Variants in KCNIP4 observed in about 807,000 individuals in gnomAD.
KCNIP4 encodes the protein potassium voltage-gated channel interacting protein 4.
KCNIP4 carries 12 observed loss-of-function variants against 34.0 expected under a neutral mutation model. The ratio of observed to expected loss-of-function variants is 0.35; its 90% CI spans 0.23 to 0.57. The LOEUF (loss-of-function observed/expected upper bound fraction) is 0.57. KCNIP4 is among the 20% of genes least tolerant of loss of function. KCNIP4 has a pLI of 0.83. For missense variants in KCNIP4, 238 were observed against 311.7 expected (o/e 0.76, Z 1.78); for synonymous variants, 124 against 102.2 (o/e 1.21, Z -1.29).
intron 1 of KCNIP4, among the ~76,000 whole-genome samples, chr4:21,689,332 A>G (rs761291834): frequency 2.6e-5 from 4 of 152,232 alleles, no homozygotes; most frequent in Non-Finnish European, 5.9e-5. Context: ...AACATCCTAT[A>G]GATAACAGAT....
At chr4:21,075,023 TC>T (rs1225726560) in intron 1 of KCNIP4, among the ~76,000 whole-genome samples, 2 of 152,020 alleles carry the variant, frequency 1.3e-5, no homozygotes, top group African/African-American at 4.8e-5. Flanking sequence ...CAATTTCTGT[TC>T]TTTTACATTT....
At chr4:20,811,084 T>G (rs1715692660) in intron 3 of KCNIP4, among the ~76,000 whole-genome samples, 1 of 152,202 alleles carries the variant, frequency 6.6e-6, no homozygotes, top group South Asian at 2.1e-4. Context: ...GAGGCAGAAT[T>G]GTTCTTCAGT....
chr4:21,734,083 C>T (rs558237116), intron 1 of KCNIP4, among the ~76,000 whole-genome samples: 12 of 152,280 alleles, frequency 7.9e-5, no homozygotes, highest in African/African-American at 2.9e-4. Context: ...CTTTTATGTA[C>T]ATTCTCCAAA....
chr4:21,332,167 C>T (rs565508135), intron 1 of KCNIP4, among the ~76,000 whole-genome samples: 12 of 152,094 alleles, frequency 7.9e-5, no homozygotes, highest in Admixed American at 3.3e-4. Flanking sequence ...TTGATTGCCC[C>T]GTCCTCTAGA....
chr4:21,525,386 A>G (rs1029728754), intron 1 of KCNIP4, among the ~76,000 whole-genome samples: 4 of 152,112 alleles, frequency 2.6e-5, no homozygotes, highest in Admixed American at 1.3e-4. Flanking sequence ...CAGTACTGAA[A>G]AGTAAAATAA....
intron 1 of KCNIP4, among the ~76,000 whole-genome samples, chr4:21,135,166 C>T (rs567915533): frequency 6.6e-6 from 1 of 152,306 alleles, no homozygotes; most frequent in South Asian, 2.1e-4. Flanking sequence ...ACCAGACTGC[C>T]TCTTATAAAG....
chr4:21,585,210 A>G (rs1041247759), intron 1 of KCNIP4, among the ~76,000 whole-genome samples: 1 of 151,994 alleles, frequency 6.6e-6, no homozygotes, highest in Admixed American at 6.6e-5. Context: ...TGTTGTTCTC[A>G]TCTCCATCCT....
chr4:21,503,543 A>G (rs762647329), intron 1 of KCNIP4, among the ~76,000 whole-genome samples: 17 of 152,228 alleles, frequency 1.1e-4, no homozygotes, highest in Non-Finnish European at 2.1e-4. Flanking sequence ...TATTTGTCAA[A>G]CTAGACACTT....
intron 1 of KCNIP4, among the ~76,000 whole-genome samples, chr4:21,376,001 G>A (rs994415810): frequency 1.6e-4 from 25 of 152,208 alleles, no homozygotes; most frequent in African/African-American, 5.8e-4. Flanking sequence ...AAGGTGGATA[G>A]AGAGTTTCTC....
intron 1 of KCNIP4, among the ~76,000 whole-genome samples, chr4:21,275,095 C>A (rs1357326067): frequency 1.3e-5 from 2 of 152,138 alleles, no homozygotes; most frequent in East Asian, 1.9e-4. Context: ...TTGATAGGAA[C>A]CATCATTGGT....
intron 1 of KCNIP4, among the ~76,000 whole-genome samples, chr4:21,720,103 C>T (rs1482627474): frequency 6.6e-6 from 1 of 151,432 alleles, no homozygotes; most frequent in Non-Finnish European, 1.5e-5. Context: ...TATTTAATAC[C>T]TTTTCTATAT....
intron 1 of KCNIP4, among the ~76,000 whole-genome samples, chr4:21,211,138 T>A (rs1172251026): frequency 6.6e-6 from 1 of 152,234 alleles, no homozygotes; most frequent in Non-Finnish European, 1.5e-5. Context: ...AATGTCATTC[T>A]TACTTTTTTC....
At chr4:21,175,267 G>A (rs1437151898) in intron 1 of KCNIP4, among the ~76,000 whole-genome samples, 1 of 152,130 alleles carries the variant, frequency 6.6e-6, no homozygotes, top group East Asian at 1.9e-4. Flanking sequence ...CTTTGGGAGG[G>A]TAGAGGATCC....
chr4:21,667,308 C>G lies in KCNIP4; in HGVS notation c.61+281263G>C, dbSNP rs183730938. 2.0e-5 allele frequency among the ~76,000 whole-genome samples: 3 copies of G among 152,342 alleles called. No homozygotes were observed. In the East Asian group the frequency reaches 5.8e-4, roughly 29 times the overall value. Reference sequence around the variant, plus strand: ...GATATTTGAGCAGTCCCAACCACCTCTATTCTTGATTTCACATGTCCGTTA... The same window carrying G: ...GATATTTGAGCAGTCCCAACCACCTGTATTCTTGATTTCACATGTCCGTTA... On this transcript the variant is annotated intron_variant, in intron 1 of 8. Transcript: ENST00000382152.
intron 1 of KCNIP4, among the ~76,000 whole-genome samples, chr4:21,142,502 G>A (rs950111513): frequency 3.3e-5 from 5 of 152,174 alleles, no homozygotes; most frequent in Non-Finnish European, 7.3e-5. Context: ...TGGGGGCTCT[G>A]TAGTGAAGAT....
intron 3 of KCNIP4, among the ~76,000 whole-genome samples, chr4:20,840,338 A>C (rs1180116024): frequency 6.6e-6 from 1 of 152,174 alleles, no homozygotes. Flanking sequence ...TCCCCTAGCA[A>C]ATCTTCAAAA....
intron 1 of KCNIP4, among the ~76,000 whole-genome samples, chr4:21,754,964 T>A (rs1037982821): frequency 1.3e-5 from 2 of 151,974 alleles, no homozygotes; most frequent in Non-Finnish European, 2.9e-5. Context: ...CTGGCCAACA[T>A]GGAGAAACCC....
rs188280611 is a variant in KCNIP4, at chr4:20,866,784, A to G, written c.163+15824T>C. Reference sequence around the variant, plus strand: ...CTAAAGATCCTTTCAAAGGGTGACTAGAATTGATAAACAACTTTAGTAAAG... The same window carrying G: ...CTAAAGATCCTTTCAAAGGGTGACTGGAATTGATAAACAACTTTAGTAAAG... On this transcript the variant is annotated intron_variant, in intron 2 of 8. Coordinates refer to ENST00000382152, the MANE Select transcript of KCNIP4 (RefSeq NM_025221.6). 6.6e-5 allele frequency among the ~76,000 whole-genome samples: 10 copies of G among 152,162 alleles called. No individual in the cohort carries two copies. In the East Asian group the frequency reaches 1.9e-3, roughly 29 times the overall value.
intron 3 of KCNIP4, among the ~76,000 whole-genome samples, chr4:20,831,022 T>G (rs891397722): frequency 2.0e-5 from 3 of 152,208 alleles, no homozygotes; most frequent in African/African-American, 7.2e-5. Flanking sequence ...TATTTGCCTC[T>G]GTAAAATATA....
Sources: allele counts gnomAD v4.1 joint callset (sites outside exome capture counted in the v4.1 genomes callset), GRCh38; gene constraint gnomAD v4.1.1; transcripts MANE v1.5; gene names NCBI Gene and HGNC (gene_info 2026-07-23, HGNC 2026-07-21).